The following NUP54 variants were observed in gnomAD, a reference collection of about 807,000 sequenced individuals.
The protein encoded by NUP54 is nucleoporin 54, also known as nucleoporin p54.
In NUP54, 27 loss-of-function variants were observed where a neutral mutation model predicts 66.4. The ratio of observed to expected loss-of-function variants is 0.41; its 90% CI spans 0.30 to 0.56. NUP54 has a LOEUF of 0.56. Among genes scored for constraint, NUP54 ranks in the 20% least tolerant of loss-of-function variants. NUP54 has a pLI of 0.34. For synonymous variants in NUP54, 206 were observed against 210.7 expected, an observed-to-expected ratio of 0.98 and a Z score of 0.19; for missense variants, 486 against 596.3, an observed-to-expected ratio of 0.82 and a Z score of 1.93.
At chr4:76,132,415 G>T (rs1350016212) in intron 6 of NUP54, 108 bp downstream of exon 6, 2 of 735,264 alleles carry the variant, frequency 2.7e-6, no homozygotes, top group African/African-American at 1.8e-5. Context: ...ATGACAAGAT[G>T]ATACTAATTT....
intron 1 of NUP54, 188 bp downstream of exon 1, chr4:76,148,120 G>A (rs1378868680): frequency 6.8e-6 from 3 of 439,448 alleles, no homozygotes; most frequent in Non-Finnish European, 1.2e-5. Context: ...GTGGGACCCC[G>A]AGTACCCCCG....
chr4:76,123,496 A>G (rs1267696202), intron 9 of NUP54, among the ~76,000 whole-genome samples: 1 of 151,632 alleles, frequency 6.6e-6, no homozygotes, highest in African/African-American at 2.4e-5. Flanking sequence ...CCTAAAGTAC[A>G]TGCAGCATCT....
intron 9 of NUP54, among the ~76,000 whole-genome samples, chr4:76,118,960 C>T (rs557393864): frequency 1.3e-5 from 2 of 152,034 alleles, no homozygotes; most frequent in South Asian, 2.1e-4. Flanking sequence ...GAGCCTAGAT[C>T]GCGCCACTGC....
At chr4:76,129,836 GC>G (rs1664150362) in intron 8 of NUP54, among the ~76,000 whole-genome samples, 1 of 116,662 alleles carries the variant, frequency 8.6e-6, no homozygotes, top group African/African-American at 3.5e-5. Context: ...CTGTGCTCCA[GC>G]CTGGGCGACA....
At chr4:76,133,638 A>C (rs1424470982) in intron 5 of NUP54, among the ~76,000 whole-genome samples, 1 of 152,182 alleles carries the variant, frequency 6.6e-6, no homozygotes, top group Admixed American at 6.5e-5. Context: ...GGGTTTGCTT[A>C]GTTGCAAAAT....
chr4:76,147,679 G>C, intron 1 of NUP54: 1 of 1,260,594 alleles, frequency 7.9e-7, no homozygotes, highest in South Asian at 1.3e-5. Flanking sequence ...ATTTTAAAAA[G>C]GGGGAGAGGG....
chr4:76,137,674 A>G (rs1018742885), intron 3 of NUP54, among the ~76,000 whole-genome samples: 1 of 144,700 alleles, frequency 6.9e-6, no homozygotes, highest in African/African-American at 2.8e-5. Context: ...TCTCTAATGG[A>G]AAGAAGGGCC....
intron 1 of NUP54, chr4:76,147,342 G>A (rs1268176853): frequency 2.0e-6 from 1 of 503,582 alleles, no homozygotes; most frequent in African/African-American, 2.0e-5. Flanking sequence ...TGATACAGAT[G>A]TTTTTGATTC....
chr4:76,145,869 A>G, intron 1 of NUP54: 2 of 270,722 alleles, frequency 7.4e-6, no homozygotes, highest in Non-Finnish European at 1.4e-5. Flanking sequence ...CTGATTTGGA[A>G]AACTACTCAA....
chr4:76,147,373 C>T, intron 1 of NUP54: 1 of 636,212 alleles, frequency 1.6e-6, no homozygotes, highest in South Asian at 2.3e-5. Flanking sequence ...AATAAATTTC[C>T]TTTCCCTATT....
At chr4:76,120,421 CTTTTTTTTTT>C (rs59098375) in intron 9 of NUP54, among the ~76,000 whole-genome samples, 73 of 117,782 alleles carry the variant, frequency 6.2e-4, no homozygotes, top group Middle Eastern at 9.7e-3. Context: ...AAAGGGATCT[CTTTTTTTTTT>C]TTTTTTTTTT....
chr4:76,124,740 A>C lies in NUP54; in HGVS notation c.1073T>G (p.Ile358Ser), dbSNP rs776306424. The C allele has an allele frequency of 1.2e-5, 16 of 1,366,282 alleles. No individual in the cohort carries two copies. Among genetic ancestry groups the C allele is most frequent in the Non-Finnish European group, 1.6e-5 (16 of 994,586 alleles). 84.6% of individuals were successfully genotyped at this position (1,366,282 alleles called of 1,614,324 possible). ...QTRLDIISED[I>S]SELQKNQTTS... ...AGTTTGATTCTTTTGTAGCTCACTA[A>C]TATCTTCAGATATGATCTGTTTAAA... The change falls in exon 9 of 12, where the codon ATT becomes AGT. Residue 358 changes from isoleucine (I) to serine (S), a missense_variant. By Grantham distance (142) the Ile-to-Ser change is moderately radical. Around this residue, in one of 4 missense-constraint regions of NUP54, gnomAD observed 217 missense variants for 247.9 expected, o/e 0.88. Coordinates refer to ENST00000264883, the MANE Select transcript of NUP54 (RefSeq NM_017426.4).
Position 76,144,167 on chromosome 4 carries a change from G to C in NUP54, c.277C>G (p.Gln93Glu). The change falls in exon 3 of 12, where the codon CAG becomes GAG. Residue 93 changes from glutamine (Q) to glutamate (E), a missense_variant. This residue lies in a region of NUP54 where 145 missense variants were observed against 137.1 expected (regional missense o/e 1.06). Coordinates refer to ENST00000264883, the MANE Select transcript of NUP54 (RefSeq NM_017426.4). Reference protein sequence around the residue: ...TGLGFGGFNTQQQQQTTLGGL... With the variant: ...TGLGFGGFNTEQQQQTTLGGL... ...TACTTACTAGTTTGCTGCTGCTGCT[G>C]TGTATTAAATCCTCCAAATCCCAGT... 1.2e-6 allele frequency: 2 copies of C among 1,613,982 alleles called. No homozygotes were observed. The highest frequency in any genetic ancestry group is 2.2e-5 in the South Asian group (2 of 91,070).
At chr4:76,143,900 A>G (rs1731372060) in intron 3 of NUP54, among the ~76,000 whole-genome samples, 1 of 152,162 alleles carries the variant, frequency 6.6e-6, no homozygotes, top group Admixed American at 6.5e-5. Flanking sequence ...CAGTTTCTCT[A>G]TTTGTTATTT....
At chr4:76,123,968 A>T (rs1730350422) in intron 9 of NUP54, among the ~76,000 whole-genome samples, 1 of 152,106 alleles carries the variant, frequency 6.6e-6, no homozygotes, top group Admixed American at 6.5e-5. Context: ...TTTTTAATTT[A>T]TTCTTTCCAC....
rs577296421 is a variant in NUP54, at chr4:76,134,063, G to C, written c.710+112C>G. The C allele has an allele frequency of 7.6e-5, 50 of 661,612 alleles. No homozygotes were observed. In the East Asian group the frequency reaches 1.5e-3, roughly 20 times the overall value. 41.0% of individuals were successfully genotyped at this position (661,612 alleles called of 1,614,324 possible). A position where few individuals can be genotyped will look rare whatever the true frequency, so the allele number is the denominator to read the frequency against. ...CTGAATAATCACTAGCTGAGAAAAG[G>C]CATTCTGCTCTGAGAGTTAATTTGT... On this transcript the variant is annotated intron_variant, in intron 5 of 11. Transcript: ENST00000264883.
rs796341208 is a variant in NUP54, at chr4:76,118,577, G to GCGGGGGGGT, written c.1165-384_1165-383insACCCCCCCG. ...TTTAATTTTTTTGTGGCGGGGTGGG[G>GCGGGGGGGT]GGGGGGGTCTCACTATGTGGCCCAG... On this transcript the variant is annotated intron_variant, in intron 9 of 11. Transcript: ENST00000264883. 7.2e-5 allele frequency: 8 copies of GCGGGGGGGT among 111,684 alleles called. No individual in the cohort carries two copies. The East Asian group carries it at 2.0e-3, about 28-fold the overall frequency. 6.9% of individuals were successfully genotyped at this position (111,684 alleles called of 1,614,324 possible). A position where few individuals can be genotyped will look rare whatever the true frequency, so the allele number is the denominator to read the frequency against.
At chr4:76,118,732 C>T (rs924669153) in intron 9 of NUP54, among the ~76,000 whole-genome samples, 3 of 151,426 alleles carry the variant, frequency 2.0e-5, no homozygotes, top group Middle Eastern at 3.4e-3. Context: ...TGGCCGGGCG[C>T]GGTGGCTCAC....
At chr4:76,138,440 T>A (rs1287875159) in intron 3 of NUP54, among the ~76,000 whole-genome samples, 4 of 152,236 alleles carry the variant, frequency 2.6e-5, no homozygotes, top group African/African-American at 9.6e-5. Flanking sequence ...CTTGGTTTTT[T>A]ATAAACACAT....
Sources: gnomAD v4.1 joint callset for allele counts (sites outside exome capture counted in the v4.1 genomes callset) on GRCh38, gnomAD v4.1.1 for gene constraint, gnomAD v4.1.1 regional missense constraint, MANE v1.5 for transcripts, NCBI Gene and HGNC (gene_info 2026-07-23, HGNC 2026-07-21) for gene names.